Variants in ADAMTS3 observed in about 807,000 individuals in gnomAD.
The protein encoded by ADAMTS3 is ADAM metallopeptidase with thrombospondin type 1 motif 3, also known as A disintegrin and metalloproteinase with thrombospondin motifs 3.
ADAMTS3 carries 73 observed loss-of-function variants against 129.0 expected under a neutral mutation model. The ratio of observed to expected loss-of-function variants is 0.57; its 90% CI spans 0.47 to 0.69. The LOEUF is 0.69. Ranked by LOEUF, ADAMTS3 falls within the 30% of genes least tolerant of loss-of-function variation. The pLI is 0.00. For synonymous variants in ADAMTS3, 477 were observed against 510.8 expected, an observed-to-expected ratio of 0.93 and a Z score of 0.89; for missense variants, 1,457 against 1,514.5, an observed-to-expected ratio of 0.96 and a Z score of 0.63.
In ADAMTS3 at chr4:72,414,843, T is replaced by TATGGGAG; in HGVS notation, c.626_632dup (p.Asp212SerfsTer19). 1 of 1,536,488 alleles carries TATGGGAG rather than the reference T, an allele frequency of 6.5e-7. No individual in the cohort carries two copies. Among genetic ancestry groups the TATGGGAG allele is most frequent in the East Asian group, 2.5e-5 (1 of 40,014 alleles). ...TGTAGTGGAAGTCTTTGGACATGTC[T>TATGGGAG]ATGGGAGCCTGTTCTACAGCTGATC... is the stretch of plus-strand genomic sequence containing the variant. On this transcript the variant is annotated frameshift_variant, in exon 4 of 22. Coordinates refer to ENST00000286657, the MANE Select transcript of ADAMTS3 (RefSeq NM_014243.3). LOFTEE classifies it high-confidence loss of function.
At chr4:72,540,362 C>T (rs969714991) in intron 3 of ADAMTS3, among the ~76,000 whole-genome samples, 6 of 152,040 alleles carry the variant, frequency 3.9e-5, no homozygotes, top group Non-Finnish European at 8.8e-5. Flanking sequence ...ATTCAAGAGG[C>T]GACTTGGATG....
At chr4:72,417,532 T>A (rs948875362) in intron 3 of ADAMTS3, among the ~76,000 whole-genome samples, 2 of 152,158 alleles carry the variant, frequency 1.3e-5, no homozygotes, top group African/African-American at 4.8e-5. Context: ...TCAGTATTAG[T>A]GACAAGGCAA....
chr4:72,403,598 A>T (rs903307598), intron 4 of ADAMTS3, among the ~76,000 whole-genome samples: 3 of 138,758 alleles, frequency 2.2e-5, no homozygotes, highest in African/African-American at 8.0e-5. Context: ...GTGAAAAATC[A>T]TGTGGTAAGG....
chr4:72,513,234 T>C (rs1039815695), intron 3 of ADAMTS3, among the ~76,000 whole-genome samples: 10 of 152,192 alleles, frequency 6.6e-5, no homozygotes, highest in South Asian at 2.1e-4. Flanking sequence ...CTATTTCCCA[T>C]ATTTCTTGGT....
chr4:72,352,593 G>C (rs1022737255), intron 4 of ADAMTS3, among the ~76,000 whole-genome samples: 6 of 151,924 alleles, frequency 3.9e-5, no homozygotes, highest in African/African-American at 1.4e-4. Flanking sequence ...CGGTCATCAA[G>C]GCGGTCACAG....
intron 4 of ADAMTS3, among the ~76,000 whole-genome samples, chr4:72,353,617 C>A (rs1720500614): frequency 6.6e-6 from 1 of 151,990 alleles, no homozygotes; most frequent in South Asian, 2.1e-4. Context: ...GGTGGGCCAT[C>A]TTCTGTATCA....
intron 2 of ADAMTS3, among the ~76,000 whole-genome samples, chr4:72,562,465 A>C (rs1157076403): frequency 6.6e-6 from 1 of 152,224 alleles, no homozygotes; most frequent in Admixed American, 6.5e-5. Context: ...AAATACTGTT[A>C]GGAAAATGAT....
intron 2 of ADAMTS3, 124 bp downstream of exon 2, chr4:72,567,250 C>T (rs1722040126): frequency 1.1e-5 from 10 of 946,664 alleles, no homozygotes; most frequent in Non-Finnish European, 1.5e-5. Context: ...GAAATGTTTC[C>T]GGACTACAGA....
At chr4:72,373,667 G>A (rs1721067889) in intron 4 of ADAMTS3, among the ~76,000 whole-genome samples, 1 of 152,078 alleles carries the variant, frequency 6.6e-6, no homozygotes, top group African/African-American at 2.4e-5. Context: ...GGGAGGCCAA[G>A]GTGGGTGGAT....
intron 5 of ADAMTS3, among the ~76,000 whole-genome samples, chr4:72,332,988 C>A (rs916168674): frequency 2.0e-5 from 3 of 152,082 alleles, no homozygotes; most frequent in Non-Finnish European, 4.4e-5. Flanking sequence ...GCTCAGAAGG[C>A]AGATATAGAT....
At chr4:72,374,069 T>C (rs1170742963) in intron 4 of ADAMTS3, among the ~76,000 whole-genome samples, 1 of 151,992 alleles carries the variant, frequency 6.6e-6, no homozygotes, top group African/African-American at 2.4e-5. Flanking sequence ...CTCTCCAGCT[T>C]TATGAATAAT....
At chr4:72,306,370 C>T (rs1719090918) in intron 15 of ADAMTS3, among the ~76,000 whole-genome samples, 2 of 152,036 alleles carry the variant, frequency 1.3e-5, no homozygotes, top group Admixed American at 6.6e-5. Context: ...AAATACTATA[C>T]TTTCCTGTGT....
intron 3 of ADAMTS3, among the ~76,000 whole-genome samples, chr4:72,437,782 G>T (rs963618995): frequency 6.6e-6 from 1 of 151,698 alleles, no homozygotes; most frequent in African/African-American, 2.4e-5. Context: ...AAGTAAACAA[G>T]AATTCTTTCT....
chr4:72,524,884 G>A (rs575265391), intron 3 of ADAMTS3, among the ~76,000 whole-genome samples: 36 of 152,232 alleles, frequency 2.4e-4, no homozygotes, highest in African/African-American at 7.2e-4. Flanking sequence ...AATAGGAAGC[G>A]TCCCTAAGAC....
chr4:72,508,590 T>A (rs1720226222), intron 3 of ADAMTS3, among the ~76,000 whole-genome samples: 1 of 152,160 alleles, frequency 6.6e-6, no homozygotes, highest in African/African-American at 2.4e-5. Flanking sequence ...ATCATCTGGC[T>A]GATTCAATCA....
chr4:72,362,095 A>G (rs754512561), intron 4 of ADAMTS3, among the ~76,000 whole-genome samples: 5 of 152,094 alleles, frequency 3.3e-5, no homozygotes, highest in African/African-American at 4.8e-5. Flanking sequence ...ACCCAGGCCC[A>G]TGATTTCTTG....
chr4:72,458,887 T>C (rs1202950525), intron 3 of ADAMTS3, among the ~76,000 whole-genome samples: 1 of 151,614 alleles, frequency 6.6e-6, no homozygotes, highest in African/African-American at 2.4e-5. Flanking sequence ...TAAATATTCT[T>C]CACTGGTGAC....
intron 3 of ADAMTS3, among the ~76,000 whole-genome samples, chr4:72,432,920 AT>A (rs1415129259): frequency 6.6e-6 from 1 of 151,958 alleles, no homozygotes; most frequent in African/African-American, 2.4e-5. Flanking sequence ...AATTCTTAAA[AT>A]TAACACTCAG....
At chr4:72,372,438 C>A (rs1413760964) in intron 4 of ADAMTS3, among the ~76,000 whole-genome samples, 3 of 151,722 alleles carry the variant, frequency 2.0e-5, no homozygotes, top group African/African-American at 7.3e-5. Context: ...ATAAATAATG[C>A]CAATTAATTT....
Sources: allele counts gnomAD v4.1 joint callset (sites outside exome capture counted in the v4.1 genomes callset), GRCh38; gene constraint gnomAD v4.1.1; transcripts MANE v1.5; gene names NCBI Gene and HGNC (gene_info 2026-07-23, HGNC 2026-07-21).